Variants in OLA1 observed in about 807,000 individuals in gnomAD.
OLA1 encodes obg-like ATPase 1.
In OLA1, 14 loss-of-function variants were observed where a neutral mutation model predicts 48.4. That is an observed-to-expected ratio of 0.29 (90% confidence interval 0.19 to 0.45). The LOEUF is 0.45. Ranked by LOEUF, OLA1 falls within the 20% of genes least tolerant of loss-of-function variation. The pLI is 1.00. For synonymous variants in OLA1, 127 were observed against 150.4 expected, an observed-to-expected ratio of 0.84 and a Z score of 1.14; for missense variants, 325 against 467.1, an observed-to-expected ratio of 0.70 and a Z score of 2.80.
intron 4 of OLA1, among the ~76,000 whole-genome samples, chr2:174,150,367 A>G (rs545453697): frequency 6.6e-6 from 1 of 152,222 alleles, no homozygotes; most frequent in East Asian, 1.9e-4. Flanking sequence ...CACCAGCTGC[A>G]GCCCGCTGAG....
intron 4 of OLA1, among the ~76,000 whole-genome samples, chr2:174,214,323 A>G (rs1238708359): frequency 2.0e-5 from 3 of 151,916 alleles, no homozygotes; most frequent in African/African-American, 7.3e-5. Flanking sequence ...ACAGAGAGAG[A>G]CTCCGCCTCA....
chr2:174,168,003 G>A (rs1687205579), intron 4 of OLA1, among the ~76,000 whole-genome samples: 1 of 152,168 alleles, frequency 6.6e-6, no homozygotes, highest in Non-Finnish European at 1.5e-5. Flanking sequence ...AAGCTGCACT[G>A]GAGAGCAAAG....
chr2:174,105,594 C>G (rs186399636), intron 7 of OLA1, among the ~76,000 whole-genome samples: 1 of 151,962 alleles, frequency 6.6e-6, no homozygotes, highest in Non-Finnish European at 1.5e-5. Flanking sequence ...AAAATCTTCA[C>G]TGACAGAAAA....
chr2:174,226,258 G>A (rs769677895), intron 3 of OLA1, among the ~76,000 whole-genome samples: 1 of 151,690 alleles, frequency 6.6e-6, no homozygotes, highest in Non-Finnish European at 1.5e-5. Flanking sequence ...TTTATGGCTA[G>A]GATAAGGTTT....
intron 4 of OLA1, among the ~76,000 whole-genome samples, chr2:174,189,158 AAGGT>A (rs1391081715): frequency 2.6e-5 from 4 of 152,178 alleles, no homozygotes; most frequent in African/African-American, 7.2e-5. Context: ...AAAACATAAA[AAGGT>A]AGGATCTAGG....
chr2:174,087,993 T>C (rs574273391), intron 7 of OLA1, among the ~76,000 whole-genome samples: 95 of 152,244 alleles, frequency 6.2e-4, no homozygotes, highest in Non-Finnish European at 1.0e-3. Flanking sequence ...AAACACCTTA[T>C]ATAGTTACCT....
intron 4 of OLA1, among the ~76,000 whole-genome samples, chr2:174,151,434 G>C (rs1025150763): frequency 6.6e-6 from 1 of 152,058 alleles, no homozygotes; most frequent in African/African-American, 2.4e-5. Flanking sequence ...ATTTTACATT[G>C]CTTTCCAGTT....
intron 2 of OLA1, among the ~76,000 whole-genome samples, chr2:174,241,876 T>TC (rs1266293810): frequency 6.6e-6 from 1 of 152,234 alleles, no homozygotes; most frequent in Non-Finnish European, 1.5e-5. Context: ...CCTCAAGTGA[T>TC]CCGCTTGCCT....
chr2:174,225,979 G>A (rs1320822377), intron 3 of OLA1, among the ~76,000 whole-genome samples: 1 of 41,600 alleles, frequency 2.4e-5, no homozygotes, highest in Non-Finnish European at 5.1e-5. Flanking sequence ...CGGATCACGA[G>A]GTCAAGAGAT....
chr2:174,246,753 G>A lies in OLA1; in HGVS notation c.63C>T (p.Thr21=). The A allele has an allele frequency of 6.2e-7, 1 of 1,612,428 alleles. No homozygotes were observed. Among genetic ancestry groups the A allele is most frequent in the Non-Finnish European group, 8.5e-7 (1 of 1,178,990 alleles). ...KPPPIIGRFG[T]SLKIGIVGLP... ...ATCCAACAATACCAATTTTCAGTGAGGTTCCAAATCTTCCAATGATTGGGG... is the reference window on the plus strand; with the variant it reads ...ATCCAACAATACCAATTTTCAGTGAAGTTCCAAATCTTCCAATGATTGGGG... The change falls in exon 2 of 11, where the codon ACC becomes ACT. Residue 21 remains threonine (T), a synonymous_variant. Transcript: ENST00000284719.
At chr2:174,129,693 T>A (rs1032246991) in intron 5 of OLA1, among the ~76,000 whole-genome samples, 6 of 152,068 alleles carry the variant, frequency 3.9e-5, no homozygotes, top group Non-Finnish European at 5.9e-5. Context: ...TACAACATTT[T>A]AAAAAATTTT....
intron 7 of OLA1, among the ~76,000 whole-genome samples, chr2:174,109,645 G>A (rs983233920): frequency 2.6e-5 from 4 of 151,984 alleles, no homozygotes; most frequent in African/African-American, 9.7e-5. Flanking sequence ...TTTCTTTTCT[G>A]TCTCTATTTC....
chr2:174,200,845 T>C (rs1318737253), intron 4 of OLA1, among the ~76,000 whole-genome samples: 1 of 152,086 alleles, frequency 6.6e-6, no homozygotes, highest in Non-Finnish European at 1.5e-5. Flanking sequence ...CCTCATTTGG[T>C]AAAAATAAGA....
intron 4 of OLA1, among the ~76,000 whole-genome samples, chr2:174,222,294 C>A (rs1041725260): frequency 6.6e-5 from 10 of 152,134 alleles, no homozygotes; most frequent in Non-Finnish European, 1.5e-5. Flanking sequence ...AATGCTTACT[C>A]TCAGTTACTA....
At chr2:174,203,145 C>T (rs2033869) in intron 4 of OLA1, among the ~76,000 whole-genome samples, 80,755 of 151,962 alleles carry the variant, frequency 0.53, 22,018 homozygotes, top group East Asian at 0.94. Context: ...GATCCTTCTA[C>T]GTAAATATTC....
At chr2:174,185,088 C>A (rs540646773) in intron 4 of OLA1, among the ~76,000 whole-genome samples, 16 of 152,236 alleles carry the variant, frequency 1.1e-4, no homozygotes, top group African/African-American at 3.9e-4. Flanking sequence ...TCCTTGTAGT[C>A]ATTCACAGAT....
At chr2:174,144,930 T>TAAAA (rs71021671) in intron 4 of OLA1, among the ~76,000 whole-genome samples, 5 of 41,116 alleles carry the variant, frequency 1.2e-4, no homozygotes, top group South Asian at 1.9e-3. Flanking sequence ...AGACCCTGTT[T>TAAAA]AAAAAAAAAA....
chr2:174,169,791 G>T, intron 4 of OLA1, among the ~76,000 whole-genome samples: 1 of 152,008 alleles, frequency 6.6e-6, no homozygotes. Flanking sequence ...TTCTTTTCAT[G>T]GTTTCCTCAT....
intron 7 of OLA1, among the ~76,000 whole-genome samples, chr2:174,122,127 T>C (rs1558964039): frequency 6.6e-6 from 1 of 152,222 alleles, no homozygotes; most frequent in African/African-American, 2.4e-5. Flanking sequence ...GAAATCTTTA[T>C]GTTAAATTTA....
Sources: gnomAD v4.1 joint callset for allele counts (sites outside exome capture counted in the v4.1 genomes callset) on GRCh38, gnomAD v4.1.1 for gene constraint, MANE v1.5 for transcripts, NCBI Gene and HGNC (gene_info 2026-07-23, HGNC 2026-07-21) for gene names.